MYH10: variants seen among roughly 807,000 people sequenced by gnomAD.
MYH10 encodes myosin-10.
In MYH10, 55 loss-of-function variants were observed where a neutral mutation model predicts 257.8. The observed-to-expected ratio is 0.21, with a 90% CI of 0.17 to 0.27. The LOEUF is 0.27. Ranked by LOEUF, MYH10 falls within the 10% of genes least tolerant of loss-of-function variation. The pLI is 1.00. For missense variants in MYH10, 1,631 were observed against 2,500.6 expected (o/e 0.65, Z 7.42); for synonymous variants, 854 against 921.7 (o/e 0.93, Z 1.33).
intron 12 of MYH10, among the ~76,000 whole-genome samples, chr17:8,546,258 C>A (rs1009256919): frequency 2.8e-4 from 43 of 152,016 alleles, no homozygotes; most frequent in African/African-American, 1.0e-3. Flanking sequence ...GGGGTTTCAC[C>A]ATACTGGTCA....
At chr17:8,577,188 A>G in intron 5 of MYH10, 48 bp downstream of exon 5, 2 of 1,468,200 alleles carry the variant, frequency 1.4e-6, no homozygotes, top group South Asian at 1.2e-5. Context: ...TGTTTCTGAA[A>G]TTATAAAAGA....
chr17:8,558,854 A>G (rs2082894004), intron 7 of MYH10, among the ~76,000 whole-genome samples: 1 of 151,890 alleles, frequency 6.6e-6, no homozygotes, highest in African/African-American at 2.4e-5. Flanking sequence ...CTCTCATTTT[A>G]TATTATCTAT....
chr17:8,585,791 T>TGAATAATTAAGGTTTGTGC (rs1166050179), intron 4 of MYH10, among the ~76,000 whole-genome samples: 2 of 152,120 alleles, frequency 1.3e-5, no homozygotes, highest in African/African-American at 4.8e-5. Flanking sequence ...ACTTAGGAAA[T>TGAATAATTAAGGTTTGTGC]GAATAATTAA....
In MYH10 at chr17:8,511,049, TATATATATATACAC is replaced by T. The variant is rs1222402226; in HGVS notation, c.2953-1114_2953-1101del. On this transcript the variant is annotated intron_variant, in intron 24 of 42. Transcript: ENST00000360416. Reference sequence around the variant, plus strand: ...ATATATATATATATATATATATATATATATATATATACACACATACATACATACACACACACACA... The same window carrying T: ...ATATATATATATATATATATATATATACATACATACATACACACACACACA... 1.7e-3 allele frequency: 68 copies of T among 40,146 alleles called. 1 individual carries two copies. Among genetic ancestry groups the T allele is most frequent in the African/African-American group, 5.6e-3 (66 of 11,756 alleles). The allele number at this position is 40,146 out of a possible 1,614,324, so 2.5% of individuals were successfully genotyped here. A position where few individuals can be genotyped will look rare whatever the true frequency, so the allele number is the denominator to read the frequency against.
At chr17:8,519,409 C>A (rs1300117369) in intron 19 of MYH10, among the ~76,000 whole-genome samples, 1 of 152,150 alleles carries the variant, frequency 6.6e-6, no homozygotes, top group East Asian at 1.9e-4. Context: ...TGACATGTGA[C>A]ATGACGTTGG....
intron 9 of MYH10, among the ~76,000 whole-genome samples, chr17:8,550,624 C>A (rs2082607684): frequency 6.6e-6 from 1 of 152,126 alleles, no homozygotes; most frequent in Admixed American, 6.5e-5. Context: ...CCGGCCACCA[C>A]CCCGTCTGGG....
chr17:8,489,743 A>ACACACACACACACCCC (rs1437818172), intron 35 of MYH10, among the ~76,000 whole-genome samples: 2 of 150,162 alleles, frequency 1.3e-5, no homozygotes, highest in South Asian at 2.1e-4. Context: ...ACACACACAC[A>ACACACACACACACCCC]CACCCCAAAT....
chr17:8,622,564 C>A (rs769672119), intron 2 of MYH10, among the ~76,000 whole-genome samples: 10 of 152,188 alleles, frequency 6.6e-5, no homozygotes, highest in Non-Finnish European at 1.3e-4. Flanking sequence ...CTGTCTGCGT[C>A]CAATTAATGC....
intron 3 of MYH10, among the ~76,000 whole-genome samples, chr17:8,598,280 A>G (rs1480228809): frequency 1.3e-5 from 2 of 152,086 alleles, no homozygotes; most frequent in Non-Finnish European, 2.9e-5. Flanking sequence ...TTTTGAGTCA[A>G]TTTTGTCTTT....
At chr17:8,576,589 G>A in intron 6 of MYH10, 54 bp downstream of exon 6, 1 of 1,509,374 alleles carries the variant, frequency 6.6e-7, no homozygotes, top group Non-Finnish European at 9.0e-7. Context: ...TCAATCTACA[G>A]ACAGAAATTA....
chr17:8,599,791 A>C (rs2084521983), intron 3 of MYH10, among the ~76,000 whole-genome samples: 1 of 152,238 alleles, frequency 6.6e-6, no homozygotes, highest in East Asian at 1.9e-4. Flanking sequence ...AATCAACACC[A>C]TGAGATTCTT....
chr17:8,523,547 A>C (rs2081729993), intron 17 of MYH10, among the ~76,000 whole-genome samples: 1 of 152,194 alleles, frequency 6.6e-6, no homozygotes, highest in African/African-American at 2.4e-5. Flanking sequence ...GACCAGGGGC[A>C]GGAAGAAGCG....
rs1432057059 is a variant in MYH10, at chr17:8,491,111, C to T, written c.4672-559G>A. ...CCAAGCACTGTGCTGAGAGCTCCAC[C>T]TCCTGTGCCCTTTGACCCTCACAGC... On this transcript the variant is annotated intron_variant, in intron 34 of 42. Coordinates refer to ENST00000360416, the MANE Select transcript of MYH10 (RefSeq NM_001256012.3). 3.3e-5 allele frequency among the ~76,000 whole-genome samples: 5 copies of T among 152,344 alleles called. No homozygotes were observed. In the South Asian group the frequency reaches 6.2e-4, roughly 19 times the overall value.
intron 7 of MYH10, among the ~76,000 whole-genome samples, chr17:8,556,082 G>C (rs914051452): frequency 1.3e-5 from 2 of 152,188 alleles, no homozygotes; most frequent in South Asian, 4.1e-4. Flanking sequence ...AAACAGCCAC[G>C]ATGAGACACC....
chr17:8,566,295 C>A (rs755884971), intron 7 of MYH10, among the ~76,000 whole-genome samples: 4 of 152,202 alleles, frequency 2.6e-5, no homozygotes. Context: ...CAATGATCCC[C>A]ACCTCTGGTA....
chr17:8,533,790 G>C (rs1219591788), intron 16 of MYH10, among the ~76,000 whole-genome samples: 1 of 152,118 alleles, frequency 6.6e-6, no homozygotes, highest in Non-Finnish European at 1.5e-5. Flanking sequence ...TTTGCATACT[G>C]ATCTCATTCC....
chr17:8,547,192 T>G (rs147657449), intron 11 of MYH10, among the ~76,000 whole-genome samples: 1 of 152,182 alleles, frequency 6.6e-6, no homozygotes, highest in African/African-American at 2.4e-5. Flanking sequence ...TGGGACTACA[T>G]GGCCACTATG....
At chr17:8,587,411 T>C (rs979784380) in intron 4 of MYH10, among the ~76,000 whole-genome samples, 1 of 152,120 alleles carries the variant, frequency 6.6e-6, no homozygotes, top group African/African-American at 2.4e-5. Context: ...CTAACTCTCA[T>C]CTCCTCAAAC....
chr17:8,558,156 T>C (rs897453357), intron 7 of MYH10, among the ~76,000 whole-genome samples: 1 of 152,226 alleles, frequency 6.6e-6, no homozygotes, highest in African/African-American at 2.4e-5. Flanking sequence ...TTTGTTTTAA[T>C]AGGAGAAAAA....
Sources: allele counts gnomAD v4.1 joint callset (sites outside exome capture counted in the v4.1 genomes callset), GRCh38; gene constraint gnomAD v4.1.1; transcripts MANE v1.5; gene names NCBI Gene and HGNC (gene_info 2026-07-23, HGNC 2026-07-21).